The following INAVA variants were observed in gnomAD, a reference collection of about 807,000 sequenced individuals.
INAVA encodes innate immunity activator protein.
Under a neutral mutation model 55.3 loss-of-function variants are expected in INAVA, and 32 were observed. The ratio of observed to expected loss-of-function variants is 0.58; its 90% CI spans 0.44 to 0.78. The LOEUF is 0.78. Ranked by LOEUF, INAVA falls within the 30% of genes least tolerant of loss-of-function variation. The pLI, the probability that INAVA is intolerant of heterozygous loss-of-function variation, is 0.00. For missense variants in INAVA, 756 were observed against 786.4 expected, an observed-to-expected ratio of 0.96 and a Z score of 0.46; for synonymous variants, 294 against 329.4, an observed-to-expected ratio of 0.89 and a Z score of 1.16.
rs764996505 is a variant in INAVA at position 200,899,500 on chromosome 1, A to G, written c.83A>G (p.Lys28Arg). The stretch of plus-strand genomic sequence containing the variant: ...CCCGACAGCCCGGTCTCCCCAATGA[A>G]GGAGCTGACCCATGCAGTGCACAAG... ...SGPDSPVSPM[K>R]ELTHAVHKQQ... Residue 28 changes from lysine (K) to arginine (R), a missense_variant, in exon 3 of 10, where the codon AAG becomes AGG. Physicochemically the swap from Lys to Arg is conservative, Grantham distance 26. Transcript: ENST00000413687. 2 of 1,614,046 alleles carry G rather than the reference A, an allele frequency of 1.2e-6. No individual in the cohort carries two copies. The highest frequency in any genetic ancestry group is 8.5e-7 in the Non-Finnish European group (1 of 1,179,998).
rs1432420308 is a variant in INAVA, at chr1:200,913,909, T to A, written c.*280T>A. ...CCTTGCCTGTCTGACTGACAGCCTC[T>A]ATCTCCTTATATAAGACAAGTGGCA... On this transcript the variant is annotated 3_prime_UTR_variant, in exon 10 of 10. Transcript: ENST00000413687. 7.6e-6 allele frequency: 3 copies of A among 392,714 alleles called. No homozygotes were observed. In the East Asian group the frequency reaches 1.4e-4, roughly 18 times the overall value. The allele number at this position is 392,714 out of a possible 1,614,324, so 24.3% of individuals were successfully genotyped here. A position where few individuals can be genotyped will look rare whatever the true frequency, so the allele number is the denominator to read the frequency against.
chr1:200,892,809 G>T (rs1668262824), upstream of INAVA, among the ~76,000 whole-genome samples: 1 of 152,234 alleles, frequency 6.6e-6, no homozygotes, highest in South Asian at 2.1e-4. Flanking sequence ...TGGTTAGCCA[G>T]CTCCCTTCCA....
intron 5 of INAVA, 40 bp downstream of exon 5, chr1:200,901,199 G>A: frequency 2.8e-6 from 4 of 1,448,914 alleles, no homozygotes; most frequent in Non-Finnish European, 3.6e-6. Context: ...CTCCTTAAAT[G>A]AGCTTTTGAG....
chr1:200,904,080 T>A (rs1369904059), intron 5 of INAVA, among the ~76,000 whole-genome samples: 1 of 151,016 alleles, frequency 6.6e-6, no homozygotes, highest in East Asian at 2.0e-4. Context: ...ATTAGCCACA[T>A]CCTCATAACA....
chr1:200,899,456 C>A lies in INAVA; in HGVS notation c.56-17C>A. 1 of 1,613,346 alleles carries A rather than the reference C, an allele frequency of 6.2e-7. No homozygotes were observed. Among genetic ancestry groups the A allele is most frequent in the Non-Finnish European group, 8.5e-7 (1 of 1,179,732 alleles). ...CATCTTCAGCCTCCCTGAGCATGTG[C>A]CCCCCAACCCTTGCAGGCCCCGACA... is the stretch of plus-strand genomic sequence containing the variant. On this transcript the variant is annotated splice_polypyrimidine_tract_variant and intron_variant, in intron 2 of 9. Coordinates refer to ENST00000413687, the MANE Select transcript of INAVA (RefSeq NM_001142569.3).
At chr1:200,911,135 AAAAAAAGTACTTAATGTAGTACTTT>A (rs1553231285) in intron 8 of INAVA, among the ~76,000 whole-genome samples, 1 of 23,944 alleles carries the variant, frequency 4.2e-5, no homozygotes, top group African/African-American at 3.3e-4. Context: ...GTAGTACTTT[AAAAAAAGTACTTAATGTAGTACTTT>A]AAAAAAAGTA....
intron 1 of INAVA, 39 bp downstream of exon 1, chr1:200,895,126 G>C: frequency 1.0e-5 from 10 of 986,244 alleles, no homozygotes; most frequent in Non-Finnish European, 1.2e-5. Flanking sequence ...TTGGGGCTGA[G>C]AGCAGGCTGG....
At chr1:200,910,281 A>G (rs1009419463) in intron 8 of INAVA, among the ~76,000 whole-genome samples, 6 of 152,254 alleles carry the variant, frequency 3.9e-5, no homozygotes, top group African/African-American at 1.4e-4. Flanking sequence ...AAGAATGACC[A>G]TGAAAGCACT....
chr1:200,901,841 G>A (rs1016781521), intron 5 of INAVA, among the ~76,000 whole-genome samples: 10 of 152,152 alleles, frequency 6.6e-5, no homozygotes, highest in African/African-American at 2.4e-4. Flanking sequence ...AGTGGCCGTG[G>A]GGGCACCTAG....
upstream of INAVA, among the ~76,000 whole-genome samples, chr1:200,893,105 T>C (rs1020705701): frequency 1.3e-5 from 2 of 152,210 alleles, no homozygotes; most frequent in African/African-American, 2.4e-5. Flanking sequence ...CCTTTAGTTA[T>C]GAAGACAACA....
intron 6 of INAVA, 66 bp from the exon 7 acceptor site, chr1:200,908,664 G>C: frequency 4.3e-6 from 6 of 1,390,710 alleles, no homozygotes; most frequent in Admixed American, 2.3e-5. Flanking sequence ...GCTGTGGTTT[G>C]TGGAGGTTCT....
chr1:200,912,161 C>T (rs1176607573), intron 9 of INAVA, 24 bp downstream of exon 9: 6 of 1,530,284 alleles, frequency 3.9e-6, no homozygotes, highest in South Asian at 3.7e-5. Flanking sequence ...GGAGGGACCC[C>T]GGGGCCAGGC....
intron 5 of INAVA, 128 bp from the exon 6 acceptor site, chr1:200,907,706 G>T (rs982744546): frequency 3.1e-6 from 2 of 641,716 alleles, no homozygotes; most frequent in Non-Finnish European, 5.4e-6. Context: ...CACACAGAGG[G>T]TATTTCCTCA....
intron 5 of INAVA, among the ~76,000 whole-genome samples, chr1:200,902,563 G>C (rs1328336791): frequency 6.6e-6 from 1 of 152,240 alleles, no homozygotes; most frequent in Non-Finnish European, 1.5e-5. Context: ...GGCTCTAATG[G>C]AAGACAAGTT....
At chr1:200,899,701 G>A (rs1238009940) in intron 3 of INAVA, 104 bp downstream of exon 3, 2 of 1,487,690 alleles carry the variant, frequency 1.3e-6, no homozygotes, top group Non-Finnish European at 1.8e-6. Flanking sequence ...ATTCTTGAGG[G>A]AATTCTGGAC....
intron 2 of INAVA, 129 bp downstream of exon 2, chr1:200,898,584 G>T (rs747370323): frequency 9.7e-7 from 1 of 1,030,144 alleles, no homozygotes. Flanking sequence ...GGGCTGAGAG[G>T]AAGGGGAGGG....
chr1:200,903,194 A>C (rs1408744131), intron 5 of INAVA: 1 of 152,252 alleles, frequency 6.6e-6, no homozygotes, highest in Non-Finnish European at 1.5e-5. Flanking sequence ...GTTTTGAATT[A>C]AAAAGGGAAG....
At chr1:200,895,679 C>T (rs1408184978) in intron 1 of INAVA, among the ~76,000 whole-genome samples, 2 of 152,218 alleles carry the variant, frequency 1.3e-5, no homozygotes, top group South Asian at 2.1e-4. Context: ...CTGTGGAGGG[C>T]GGCCTCGGCA....
intron 2 of INAVA, 149 bp from the exon 3 acceptor site, chr1:200,899,324 G>A: frequency 8.3e-7 from 1 of 1,200,550 alleles, no homozygotes; most frequent in South Asian, 1.5e-5. Context: ...ACAGGCCACA[G>A]CAGCCAGCCT....
Sources: allele counts gnomAD v4.1 joint callset (sites outside exome capture counted in the v4.1 genomes callset), GRCh38; gene constraint gnomAD v4.1.1; transcripts MANE v1.5; gene names NCBI Gene and HGNC (gene_info 2026-07-23, HGNC 2026-07-21).